TNFRSF1B: variants seen among roughly 807,000 people sequenced by gnomAD.
TNFRSF1B encodes TNF receptor superfamily member 1B, also known as tumor necrosis factor receptor superfamily member 1B.
A neutral mutation model predicts 44.6 loss-of-function variants in TNFRSF1B; 19 were observed. That is an observed-to-expected ratio of 0.43 (90% CI 0.30 to 0.62). The LOEUF (loss-of-function observed/expected upper bound fraction) is 0.62. Ranked by LOEUF, TNFRSF1B falls within the 20% of genes least tolerant of loss-of-function variation. TNFRSF1B has a pLI of 0.16. For missense variants in TNFRSF1B, 541 were observed against 619.9 expected (o/e 0.87, Z 1.35); for synonymous variants, 252 against 261.1 (o/e 0.97, Z 0.34).
At chr1:12,205,971 G>A (rs538121921) in intron 9 of TNFRSF1B, among the ~76,000 whole-genome samples, 1 of 152,226 alleles carries the variant, frequency 6.6e-6, no homozygotes, top group East Asian at 1.9e-4. Context: ...AATGATGGAT[G>A]GGTGTGTGAT....
chr1:12,174,697 G>A (rs944594040), intron 1 of TNFRSF1B, among the ~76,000 whole-genome samples: 3 of 152,194 alleles, frequency 2.0e-5, no homozygotes, highest in African/African-American at 7.2e-5. Flanking sequence ...GGGCTGCAGA[G>A]CCCCTTCTCA....
At position 12,206,837 on chromosome 1, in the gene TNFRSF1B, C is replaced by G. The variant is rs1639514029; in HGVS notation, c.1203C>G (p.Ala401=). The change falls in exon 10 of 10, where the codon GCC becomes GCG. Residue 401 remains alanine (A), a synonymous_variant. Transcript: ENST00000376259. The part of the protein sequence containing the change: ...SDHSSQCSSQ[A]SSTMGDTDSS... ...ACAGCTCACAGTGCTCCTCCCAAGCCAGCTCCACAATGGGAGACACAGATT... is the reference window on the plus strand; with the variant it reads ...ACAGCTCACAGTGCTCCTCCCAAGCGAGCTCCACAATGGGAGACACAGATT... 1 of 1,614,134 alleles carries G rather than the reference C, an allele frequency of 6.2e-7. No individual in the cohort carries two copies. Among genetic ancestry groups the G allele is most frequent in the Admixed American group, 1.7e-5 (1 of 60,012 alleles).
chr1:12,185,922 G>A (rs1476443445), intron 1 of TNFRSF1B, among the ~76,000 whole-genome samples: 4 of 152,328 alleles, frequency 2.6e-5, no homozygotes, highest in African/African-American at 9.6e-5. Context: ...AGGGAGGAAG[G>A]TGGGGACTCT....
intron 1 of TNFRSF1B, among the ~76,000 whole-genome samples, chr1:12,172,200 A>G (rs2101076426): frequency 6.6e-6 from 1 of 152,252 alleles, no homozygotes; most frequent in African/African-American, 2.4e-5. Flanking sequence ...GGAACAAAGG[A>G]GAGGCGCTGT....
chr1:12,187,070 C>T lies in TNFRSF1B; in HGVS notation c.79-1726C>T, dbSNP rs1359691373. On this transcript the variant is annotated intron_variant, in intron 1 of 9. Coordinates refer to ENST00000376259, the MANE Select transcript of TNFRSF1B (RefSeq NM_001066.3). This position sits in a 1 kb window ranked among gnomAD's most constrained non-coding sequence, Gnocchi z 5.5. ...GCACTCCTGGAGGGTCACTCAGAGA[C>T]CCGAGAGAGGAGGGCTCTGCGTCTG... Among the ~76,000 whole-genome samples the T allele has an allele frequency of 2.0e-5, 3 of 152,102 alleles. No individual in the cohort carries two copies. The highest frequency in any genetic ancestry group is 7.2e-5 in the African/African-American group (3 of 41,402).
At position 12,167,095 on chromosome 1, in the gene TNFRSF1B, G is replaced by A; in HGVS notation, c.4G>A (p.Ala2Thr). 1 of 1,332,968 alleles carries A rather than the reference G, an allele frequency of 7.5e-7. No individual in the cohort carries two copies. The highest frequency in any genetic ancestry group is 9.6e-7 in the Non-Finnish European group (1 of 1,039,058). 82.6% of individuals were successfully genotyped at this position (1,332,968 alleles called of 1,614,324 possible). ...CAACCGGACCCCGCCCGCACCCATGGCGCCCGTCGCCGTCTGGGCCGCGCT... is the reference window on the plus strand; with the variant it reads ...CAACCGGACCCCGCCCGCACCCATGACGCCCGTCGCCGTCTGGGCCGCGCT... MAPVAVWAALAV... is the reference protein window; with the variant it reads MTPVAVWAALAV... The change falls in exon 1 of 10, where the codon GCG (alanine) becomes ACG (threonine). Residue 2 changes from alanine (A) to threonine (T), a missense_variant. By Grantham distance (58) the Ala-to-Thr change is moderately conservative. Coordinates refer to ENST00000376259, the MANE Select transcript of TNFRSF1B (RefSeq NM_001066.3).
chr1:12,192,913 C>G lies in TNFRSF1B; in HGVS notation c.602C>G (p.Thr201Arg). ...PGNASMDAVC[T>R]STSPTRSMAP... Reference sequence around the variant, plus strand: ...AATGCAAGCATGGATGCAGTCTGCACGTCCACGTCCCCCACCCGGAGTATG... The same window carrying G: ...AATGCAAGCATGGATGCAGTCTGCAGGTCCACGTCCCCCACCCGGAGTATG... The change falls in exon 6 of 10, where the codon ACG becomes AGG. Residue 201 changes from threonine to arginine, a missense_variant. Coordinates refer to ENST00000376259, the MANE Select transcript of TNFRSF1B (RefSeq NM_001066.3). 7.4e-6 allele frequency: 12 copies of G among 1,614,140 alleles called. No homozygotes were observed. The highest frequency in any genetic ancestry group is 1.0e-5 in the Non-Finnish European group (12 of 1,180,018).
intron 4 of TNFRSF1B, 91 bp from the exon 5 acceptor site, chr1:12,192,340 C>A: frequency 8.9e-7 from 1 of 1,122,918 alleles, no homozygotes; most frequent in Non-Finnish European, 1.3e-6. Context: ...GCTCCTTGGG[C>A]CCCTCAGACC....
intron 1 of TNFRSF1B, among the ~76,000 whole-genome samples, chr1:12,179,057 A>G (rs375636240): frequency 6.6e-6 from 1 of 152,082 alleles, no homozygotes; most frequent in Non-Finnish European, 1.5e-5. Flanking sequence ...GGCGTCTCTC[A>G]TTAGACTCAG....
intron 1 of TNFRSF1B, among the ~76,000 whole-genome samples, chr1:12,181,999 G>A (rs1638822726): frequency 6.6e-6 from 1 of 152,198 alleles, no homozygotes; most frequent in South Asian, 2.1e-4. Flanking sequence ...GAGAAACTGA[G>A]GCACAGAGAA....
chr1:12,194,097 G>T (rs934021492), intron 7 of TNFRSF1B, 65 bp downstream of exon 7: 3 of 1,352,986 alleles, frequency 2.2e-6, no homozygotes, highest in African/African-American at 2.9e-5. Flanking sequence ...TGCCTCCTGT[G>T]AGTCCAGCAC....
intron 6 of TNFRSF1B, among the ~76,000 whole-genome samples, chr1:12,193,403 C>T (rs539747269): frequency 6.6e-6 from 1 of 152,252 alleles, no homozygotes; most frequent in South Asian, 2.1e-4. Flanking sequence ...CAGCGAGACT[C>T]CATCTCTATA....
At position 12,206,758 on chromosome 1, in the gene TNFRSF1B, A is replaced by C. The variant is rs55925819; in HGVS notation, c.1124A>C (p.His375Pro). 1.4e-5 allele frequency: 23 copies of C among 1,586,848 alleles called. No individual in the cohort carries two copies. In the East Asian group the frequency reaches 2.5e-4, roughly 17 times the overall value. ...TGSSDSSPGGHGTQVNVTCIV... is the reference protein window; with the variant it reads ...TGSSDSSPGGPGTQVNVTCIV... ...TTAGCAGATTCTTCCCCTGGTGGCC[A>C]TGGGACCCAGGTCAATGTCACCTGC... Residue 375 changes from histidine (H) to proline (P), a missense_variant, in exon 10 of 10, where the codon CAT (histidine) becomes CCT (proline). Transcript: ENST00000376259.
At chr1:12,191,729 T>TGGCGGA in intron 3 of TNFRSF1B, 45 bp from the exon 4 acceptor site, 1 of 1,610,394 alleles carries the variant, frequency 6.2e-7, no homozygotes, top group Non-Finnish European at 8.5e-7. Flanking sequence ...AGCGTGGGTG[T>TGGCGGA]GGCGGAGGCA....
At chr1:12,170,833 A>ATT (rs573543767) in intron 1 of TNFRSF1B, among the ~76,000 whole-genome samples, 2 of 140,946 alleles carry the variant, frequency 1.4e-5, no homozygotes, top group Non-Finnish European at 3.1e-5. Flanking sequence ...TGCCCAACTA[A>ATT]TTTTTTTTTT....
chr1:12,193,280 C>T lies in TNFRSF1B; in HGVS notation c.787+182C>T, dbSNP rs138849230. ...CACCTGGTGCTATCATTCAAAATCC[C>T]TAAGTGCGTGGGCTGGATGCAGTGG... is the stretch of plus-strand genomic sequence containing the variant. On this transcript the variant is annotated intron_variant, in intron 6 of 9. Coordinates refer to ENST00000376259, the MANE Select transcript of TNFRSF1B (RefSeq NM_001066.3). 4.8e-5 allele frequency: 34 copies of T among 710,686 alleles called. No homozygotes were observed. In the African/African-American group the frequency reaches 5.0e-4, roughly 11 times the overall value. 44.0% of individuals were successfully genotyped at this position (710,686 alleles called of 1,614,324 possible).
chr1:12,191,402 C>T (rs563434558), intron 3 of TNFRSF1B, among the ~76,000 whole-genome samples: 1 of 151,664 alleles, frequency 6.6e-6, no homozygotes, highest in Non-Finnish European at 1.5e-5. Flanking sequence ...CTGGGAAGAG[C>T]GGGACTGCGG....
At position 12,186,450 on chromosome 1, in the gene TNFRSF1B, A is replaced by G. The variant is rs1455090682; in HGVS notation, c.79-2346A>G. Among the ~76,000 whole-genome samples the G allele has an allele frequency of 6.6e-6, 1 of 152,200 alleles. No individual in the cohort carries two copies. Among genetic ancestry groups the G allele is most frequent in the African/African-American group, 2.4e-5 (1 of 41,442 alleles). On this transcript the variant is annotated intron_variant, in intron 1 of 9. Transcript: ENST00000376259. This position sits in a 1 kb window ranked among gnomAD's most constrained non-coding sequence, Gnocchi z 4.8. ...GGTGTCTGCTCTGACTGGCTTGCTG[A>G]CAGCTGAAGTCCAGGATAGGTCCAT...
chr1:12,167,039 T>TGCGAGGGA lies in TNFRSF1B; in HGVS notation c.-46_-45insAGCGAGGG. The TGCGAGGGA allele has an allele frequency of 8.3e-7, 1 of 1,208,872 alleles. No homozygotes were observed. The highest frequency in any genetic ancestry group is 2.7e-5 in the South Asian group (1 of 37,444). 74.9% of individuals were successfully genotyped at this position (1,208,872 alleles called of 1,614,324 possible). On this transcript the variant is annotated 5_prime_UTR_variant, in exon 1 of 10. Coordinates refer to ENST00000376259, the MANE Select transcript of TNFRSF1B (RefSeq NM_001066.3). The stretch of plus-strand genomic sequence containing the variant: ...GGAGCCTGGAGAGAAGGCGCTGGGC[T>TGCGAGGGA]GCGAGGGCGCGAGGGCGCGAGGGCA...
Sources: allele counts gnomAD v4.1 joint callset (sites outside exome capture counted in the v4.1 genomes callset), GRCh38; gene constraint gnomAD v4.1.1; non-coding constraint Gnocchi (gnomAD v3.1); transcripts MANE v1.5; gene names NCBI Gene and HGNC (gene_info 2026-07-23, HGNC 2026-07-21).